The following DLG2 variants were observed in gnomAD, a reference collection of about 807,000 sequenced individuals.
DLG2 encodes the protein discs large MAGUK scaffold protein 2, also known as disks large homolog 2.
Under a neutral mutation model 132.5 loss-of-function variants are expected in DLG2, and 45 were observed. The observed-to-expected ratio is 0.34, with a 90% CI of 0.27 to 0.44. The LOEUF (loss-of-function observed/expected upper bound fraction) is 0.44, where lower values mean the gene tolerates loss of function less well. Among genes scored for constraint, DLG2 ranks in the 20% least tolerant of loss-of-function variants. The probability of loss-of-function intolerance (pLI) is 1.00; values close to 1 mark genes in which losing one functional copy is unlikely to be tolerated. For synonymous variants in DLG2, 424 were observed against 419.6 expected (o/e 1.01, Z -0.13); for missense variants, 1,045 against 1,196.9 (o/e 0.87, Z 1.87).
intron 7 of DLG2, among the ~76,000 whole-genome samples, chr11:84,524,347 A>G (rs2099313691): frequency 6.6e-6 from 1 of 152,196 alleles, no homozygotes; most frequent in Non-Finnish European, 1.5e-5. Flanking sequence ...AGCCAGAATT[A>G]TTGGGGGTAT....
At chr11:83,665,614 G>A (rs1334135744) in intron 18 of DLG2, among the ~76,000 whole-genome samples, 6 of 152,274 alleles carry the variant, frequency 3.9e-5, no homozygotes, top group African/African-American at 1.4e-4. Context: ...CAAGACTATA[G>A]AGCTTACCAT....
At chr11:84,796,843 AT>A in intron 6 of DLG2, among the ~76,000 whole-genome samples, 1 of 149,600 alleles carries the variant, frequency 6.7e-6, no homozygotes, top group East Asian at 2.0e-4. Flanking sequence ...ATTATATTTT[AT>A]TTATTTATTT....
At chr11:84,421,073 A>G (rs1472150447) in intron 7 of DLG2, among the ~76,000 whole-genome samples, 1 of 151,954 alleles carries the variant, frequency 6.6e-6, no homozygotes, top group Non-Finnish European at 1.5e-5. Flanking sequence ...CATGAATGGG[A>G]TTGGTACTCT....
At chr11:84,538,182 T>A (rs2099359952) in intron 6 of DLG2, among the ~76,000 whole-genome samples, 1 of 152,150 alleles carries the variant, frequency 6.6e-6, no homozygotes, top group African/African-American at 2.4e-5. Context: ...GGCTGCAGCT[T>A]CTCAGTTTGA....
chr11:85,002,066 G>C (rs1438869961), intron 6 of DLG2, among the ~76,000 whole-genome samples: 1 of 152,136 alleles, frequency 6.6e-6, no homozygotes, highest in Non-Finnish European at 1.5e-5. Flanking sequence ...TTATTAAGGT[G>C]ATTCCAATAG....
chr11:83,707,066 T>C (rs2084190950), intron 18 of DLG2, among the ~76,000 whole-genome samples: 1 of 152,238 alleles, frequency 6.6e-6, no homozygotes, highest in Non-Finnish European at 1.5e-5. Flanking sequence ...TCTATTTATA[T>C]ATACTTTTAT....
chr11:83,810,374 T>C (rs962227107), intron 17 of DLG2, among the ~76,000 whole-genome samples: 9 of 152,162 alleles, frequency 5.9e-5, no homozygotes, highest in Non-Finnish European at 7.4e-5. Flanking sequence ...TGTATACATG[T>C]ATATATGCTG....
chr11:84,895,688 T>G (rs913348108), intron 6 of DLG2, among the ~76,000 whole-genome samples: 2 of 152,172 alleles, frequency 1.3e-5, no homozygotes, highest in African/African-American at 2.4e-5. Context: ...TTTAAGGCAA[T>G]CTTCCAAAAA....
intron 11 of DLG2, among the ~76,000 whole-genome samples, chr11:84,034,778 T>C (rs2095816012): frequency 6.6e-6 from 1 of 152,184 alleles, no homozygotes; most frequent in South Asian, 2.1e-4. Flanking sequence ...GAAAGCCTCC[T>C]TATAGATACA....
At chr11:83,686,149 GT>G (rs2079719857) in intron 18 of DLG2, among the ~76,000 whole-genome samples, 1 of 152,154 alleles carries the variant, frequency 6.6e-6, no homozygotes, top group South Asian at 2.1e-4. Context: ...AGCCAGCCAT[GT>G]TTTTAAAACA....
intron 6 of DLG2, among the ~76,000 whole-genome samples, chr11:85,062,265 T>C (rs1422142907): frequency 3.3e-5 from 5 of 151,778 alleles, no homozygotes; most frequent in African/African-American, 7.3e-5. Context: ...ATTATATCAA[T>C]GCAATAGTTG....
intron 7 of DLG2, among the ~76,000 whole-genome samples, chr11:84,324,582 T>C (rs961896632): frequency 1.3e-5 from 2 of 152,136 alleles, no homozygotes. Flanking sequence ...ACAAATACCA[T>C]CGAGATTTTG....
At chr11:85,483,055 G>C (rs286501) in intron 3 of DLG2, among the ~76,000 whole-genome samples, 121,597 of 152,138 alleles carry the variant, frequency 0.8, 50,096 homozygotes, top group Middle Eastern at 0.95. Context: ...TTTCAAATTT[G>C]GAGAAAGATA....
At chr11:84,650,935 A>C (rs2099681342) in intron 6 of DLG2, among the ~76,000 whole-genome samples, 1 of 146,438 alleles carries the variant, frequency 6.8e-6, no homozygotes, top group South Asian at 2.1e-4. Context: ...TACCGTTTGC[A>C]TGGTAAAATT....
intron 18 of DLG2, among the ~76,000 whole-genome samples, chr11:83,701,685 T>G (rs1235723145): frequency 6.6e-6 from 1 of 152,214 alleles, no homozygotes; most frequent in Non-Finnish European, 1.5e-5. Context: ...AGATGATACT[T>G]AATGAAAGGC....
intron 6 of DLG2, among the ~76,000 whole-genome samples, chr11:84,655,513 A>C (rs1036084447): frequency 5.3e-5 from 8 of 152,180 alleles, no homozygotes; most frequent in Non-Finnish European, 1.0e-4. Context: ...AAGCAAAAAA[A>C]ATACTAAGTC....
At chr11:84,375,122 T>A (rs1000809063) in intron 7 of DLG2, among the ~76,000 whole-genome samples, 3 of 152,158 alleles carry the variant, frequency 2.0e-5, no homozygotes, top group Admixed American at 1.3e-4. Flanking sequence ...TATTTTCAAA[T>A]TACCCACAGC....
chr11:84,582,125 T>C (rs989502196), intron 6 of DLG2, among the ~76,000 whole-genome samples: 1 of 151,804 alleles, frequency 6.6e-6, no homozygotes, highest in Admixed American at 6.6e-5. Context: ...TGAGACGAAC[T>C]ATAGCTTTCA....
At chr11:83,951,473 T>C (rs955031765) in intron 14 of DLG2, among the ~76,000 whole-genome samples, 27 of 152,154 alleles carry the variant, frequency 1.8e-4, no homozygotes, top group Non-Finnish European at 5.9e-5. Context: ...TGATCGTGGA[T>C]GGCTCATATT....
Sources: gnomAD v4.1 joint callset for allele counts (sites outside exome capture counted in the v4.1 genomes callset) on GRCh38, gnomAD v4.1.1 for gene constraint, MANE v1.5 for transcripts, NCBI Gene and HGNC (gene_info 2026-07-23, HGNC 2026-07-21) for gene names.